The following OTOF variants were observed in gnomAD, a reference collection of about 807,000 sequenced individuals.
The protein encoded by OTOF is otoferlin.
Under a neutral mutation model 236.8 loss-of-function variants are expected in OTOF, and 218 were observed. The observed-to-expected ratio is 0.92, with a 90% confidence interval of 0.82 to 1.03. The LOEUF (loss-of-function observed/expected upper bound fraction) is 1.03. OTOF is among the 50% of genes least tolerant of loss of function. OTOF has a pLI of 0.00. For missense variants in OTOF, 2,590 were observed against 2,694.4 expected (o/e 0.96, Z 0.86); for synonymous variants, 1,041 against 1,072.5 (o/e 0.97, Z 0.57).
Position 26,467,448 on chromosome 2 carries a change from TCTC to T in OTOF, c.4141_4143del (p.Glu1381del), listed in dbSNP as rs1334407341. The T allele has an allele frequency of 9.3e-6, 15 of 1,613,782 alleles. No homozygotes were observed. The African/African-American group carries it at 1.6e-4, about 17-fold the overall frequency. On this transcript the variant is annotated inframe_deletion, in exon 34 of 47. Coordinates refer to ENST00000272371, the MANE Select transcript of OTOF (RefSeq NM_194248.3). ...CCAGAGCTCTGAGTTTTCTTCTTCT[TCTC>T]CTCTTTGGCAGCCCTTGCCTTCTCC...
chr2:26,550,271 C>G (rs1015703276), intron 1 of OTOF, among the ~76,000 whole-genome samples: 16 of 152,264 alleles, frequency 1.1e-4, no homozygotes, highest in African/African-American at 3.9e-4. Flanking sequence ...TAAAAATGAT[C>G]ACATGATAGT....
At chr2:26,550,512 AT>A (rs1292728161) in intron 1 of OTOF, among the ~76,000 whole-genome samples, 9 of 152,158 alleles carry the variant, frequency 5.9e-5, no homozygotes, top group African/African-American at 1.9e-4. Context: ...GCCCACCTGG[AT>A]GGCAGTGGCT....
chr2:26,486,942 T>G (rs940463259), intron 11 of OTOF, among the ~76,000 whole-genome samples: 3 of 152,152 alleles, frequency 2.0e-5, no homozygotes, highest in Non-Finnish European at 2.9e-5. Context: ...GCTGGGGAAG[T>G]TGCTGCATCC....
chr2:26,482,497 C>G lies in OTOF; in HGVS notation c.1488G>C (p.Lys496Asn). 1 of 1,613,350 alleles carries G rather than the reference C, an allele frequency of 6.2e-7. No individual in the cohort carries two copies. Among genetic ancestry groups the G allele is most frequent in the Non-Finnish European group, 8.5e-7 (1 of 1,179,950 alleles). The change falls in exon 14 of 47, where the codon AAG becomes AAC. Residue 496 changes from lysine (K) to asparagine (N), a missense_variant. Lys to Asn is a moderately conservative substitution (Grantham distance 94). Transcript: ENST00000272371. ...CCTTGTCCGAGTCTCGGATCTGCACCTTCATGCGTTTGCAGAGTGGGGGGA... is the reference window on the plus strand; with the variant it reads ...CCTTGTCCGAGTCTCGGATCTGCACGTTCATGCGTTTGCAGAGTGGGGGGA... ...DLFPPLCKRM[K>N]VQIRDSDKVN...
chr2:26,482,646 CAT>C (rs1491287991), intron 13 of OTOF, 54 bp from the exon 14 acceptor site: 52 of 1,490,536 alleles, frequency 3.5e-5, no homozygotes, highest in South Asian at 1.8e-4. Context: ...TGAGTGGGTG[CAT>C]GTGTGTGTGT....
Position 26,536,767 on chromosome 2 carries a change from T to A in OTOF, c.138+949A>T, listed in dbSNP as rs564766572. 3.9e-5 allele frequency among the ~76,000 whole-genome samples: 6 copies of A among 152,312 alleles called. No homozygotes were observed. In the South Asian group the frequency reaches 1.2e-3, roughly 32 times the overall value. On this transcript the variant is annotated intron_variant, in intron 2 of 46. Transcript: ENST00000272371. The stretch of plus-strand genomic sequence containing the variant: ...CACTATTTGAGGGTCACTACATGGC[T>A]TCCAGTTTGTGCTAAGATGGTGACG...
intron 3 of OTOF, among the ~76,000 whole-genome samples, chr2:26,522,243 T>C (rs977003839): frequency 1.3e-5 from 2 of 152,234 alleles, no homozygotes; most frequent in African/African-American, 4.8e-5. Flanking sequence ...ACATGGACAA[T>C]TGATATTATC....
At chr2:26,529,931 G>A (rs112615039) in intron 2 of OTOF, among the ~76,000 whole-genome samples, 9 of 66,026 alleles carry the variant, frequency 1.4e-4, no homozygotes, top group East Asian at 1.1e-3. Context: ...CAGCGGCTGC[G>A]GCTCCAGCTT....
chr2:26,491,469 C>G (rs1202601366), intron 9 of OTOF, among the ~76,000 whole-genome samples: 2 of 152,152 alleles, frequency 1.3e-5, no homozygotes, highest in Non-Finnish European at 2.9e-5. Context: ...ACACATGGGT[C>G]TTCATGGTTG....
At position 26,481,573 on chromosome 2, in the gene OTOF, T is replaced by A. The variant is rs988499723; in HGVS notation, c.1580-564A>T. On this transcript the variant is annotated intron_variant, in intron 14 of 46. Transcript: ENST00000272371. Reference sequence around the variant, plus strand: ...ATTTCCTTTTTATTCTGCCTTTTTTTAAAAAACACACTTATAGCATTTTAA... The same window carrying A: ...ATTTCCTTTTTATTCTGCCTTTTTTAAAAAAACACACTTATAGCATTTTAA... 1.6e-4 allele frequency among the ~76,000 whole-genome samples: 25 copies of A among 152,318 alleles called. No individual in the cohort carries two copies. In the East Asian group the frequency reaches 2.9e-3, roughly 18 times the overall value.
At chr2:26,480,153 TG>T (rs1294984864) in intron 16 of OTOF, 49 bp downstream of exon 16, 2 of 1,061,214 alleles carry the variant, frequency 1.9e-6, no homozygotes, top group South Asian at 1.3e-5. Flanking sequence ...GAAGCCCCCG[TG>T]GGCCCAGCAC....
intron 23 of OTOF, 36 bp downstream of exon 23, chr2:26,476,092 C>A: frequency 6.2e-7 from 1 of 1,611,750 alleles, no homozygotes; most frequent in South Asian, 1.1e-5. Context: ...CCGGCCCCCT[C>A]CCAGGTGAGG....
At chr2:26,466,246 C>T (rs529603399) in intron 36 of OTOF, 170 bp from the exon 37 acceptor site, 10 of 735,228 alleles carry the variant, frequency 1.4e-5, no homozygotes, top group Middle Eastern at 3.7e-4. Flanking sequence ...CCTCTCTGGG[C>T]GTTGACTTCT....
intron 29 of OTOF, 117 bp from the exon 30 acceptor site, chr2:26,472,766 G>A (rs765735479): frequency 1.9e-6 from 2 of 1,055,418 alleles, no homozygotes; most frequent in Non-Finnish European, 1.4e-6. Flanking sequence ...CTGAGGGAGA[G>A]GGGGACAGGC....
chr2:26,480,697 C>A, intron 15 of OTOF, 89 bp downstream of exon 15: 1 of 1,112,244 alleles, frequency 9.0e-7, no homozygotes. Flanking sequence ...GACAGGGCAG[C>A]AACAGGCAAA....
chr2:26,463,087 T>C (rs1016756874), intron 41 of OTOF, among the ~76,000 whole-genome samples: 3 of 152,082 alleles, frequency 2.0e-5, no homozygotes, highest in African/African-American at 4.8e-5. Flanking sequence ...TTCTGTGTGT[T>C]GTGAAGGAGT....
At chr2:26,474,437 G>T in intron 26 of OTOF, 76 bp downstream of exon 26, 2 of 1,324,748 alleles carry the variant, frequency 1.5e-6, no homozygotes, top group Non-Finnish European at 1.0e-6. Flanking sequence ...AGCCTTCAGG[G>T]TCCAGCCCCC....
At position 26,467,294 on chromosome 2, in the gene OTOF, C is replaced by A. The variant is rs1043063482; in HGVS notation, c.4228-61G>T. The A allele has an allele frequency of 6.2e-6, 10 of 1,613,566 alleles. No homozygotes were observed. The South Asian group carries it at 7.7e-5, about 12-fold the overall frequency. ...GGTCTCTGGCTTTTGTCCTGCCCCA[C>A]CTGCAGGATCACTGCGCCCCCCTCT... On this transcript the variant is annotated intron_variant, in intron 34 of 46. Transcript: ENST00000272371.
At chr2:26,536,018 A>T (rs1667062011) in intron 2 of OTOF, among the ~76,000 whole-genome samples, 2 of 152,190 alleles carry the variant, frequency 1.3e-5, no homozygotes, top group Admixed American at 1.3e-4. Context: ...AGGGAGTCAG[A>T]TGCTGTGCCT....
Sources: gnomAD v4.1 joint callset for allele counts (sites outside exome capture counted in the v4.1 genomes callset) on GRCh38, gnomAD v4.1.1 for gene constraint, MANE v1.5 for transcripts, NCBI Gene and HGNC (gene_info 2026-07-23, HGNC 2026-07-21) for gene names.